The following GLS2 variants were observed in gnomAD, a reference collection of about 807,000 sequenced individuals.
The protein encoded by GLS2 is glutaminase 2.
GLS2 carries 52 observed loss-of-function variants against 79.0 expected under a neutral mutation model. The observed-to-expected ratio is 0.66, with a 90% confidence interval of 0.53 to 0.83. GLS2 has a LOEUF of 0.83. GLS2 is among the 40% of genes least tolerant of loss of function. GLS2 has a pLI of 0.00. For missense variants in GLS2, 561 were observed against 764.8 expected, an observed-to-expected ratio of 0.73 and a Z score of 3.14; for synonymous variants, 238 against 280.8, an observed-to-expected ratio of 0.85 and a Z score of 1.52.
At chr12:56,474,519 A>G in intron 12 of GLS2, 25 bp downstream of exon 12, 1 of 1,612,780 alleles carries the variant, frequency 6.2e-7, no homozygotes, top group South Asian at 1.1e-5. Context: ...CTCATGACAG[A>G]TGGATAGCAG....
In GLS2 at chr12:56,471,230, G is replaced by A. The variant is rs1869232502; in HGVS notation, c.*257C>T. 3 of 449,972 alleles carry A rather than the reference G, an allele frequency of 6.7e-6. No homozygotes were observed. Among genetic ancestry groups the A allele is most frequent in the Non-Finnish European group, 1.2e-5 (3 of 257,492 alleles). The allele number at this position is 449,972 out of a possible 1,614,324, so 27.9% of individuals were successfully genotyped here. On this transcript the variant is annotated 3_prime_UTR_variant, in exon 18 of 18. Transcript: ENST00000311966. ...GCTGGGATGGTTTTGAGTGGGGCAAGCCATTAGGCTGTACCTTGAAGCCCA... is the reference window on the plus strand; with the variant it reads ...GCTGGGATGGTTTTGAGTGGGGCAAACCATTAGGCTGTACCTTGAAGCCCA...
chr12:56,476,071 G>T (rs1869782960), intron 7 of GLS2, 94 bp from the exon 8 acceptor site: 2 of 1,225,700 alleles, frequency 1.6e-6, no homozygotes, highest in Non-Finnish European at 2.4e-6. Context: ...GTGTTAGTCT[G>T]GTCCTGCTGC....
intron 4 of GLS2, chr12:56,478,538 C>T (rs74091906): frequency 1.1e-5 from 5 of 441,660 alleles, no homozygotes; most frequent in African/African-American, 2.0e-5. Context: ...GGTTCTTAGG[C>T]TCAGTTACCC....
At chr12:56,483,564 G>A (rs894082101) in intron 1 of GLS2, among the ~76,000 whole-genome samples, 17 of 152,134 alleles carry the variant, frequency 1.1e-4, no homozygotes, top group African/African-American at 3.9e-4. Flanking sequence ...GAAGCGTGCT[G>A]TAGAACAGTA....
chr12:56,471,426 TGG>T lies in GLS2; in HGVS notation c.*59_*60del. 11 of 1,524,626 alleles carry T rather than the reference TGG, an allele frequency of 7.2e-6. No homozygotes were observed. The highest frequency in any genetic ancestry group is 4.0e-5 in the Admixed American group (2 of 50,184). The allele number at this position is 1,524,626 out of a possible 1,614,324, so 94.4% of individuals were successfully genotyped here. A position where few individuals can be genotyped will look rare whatever the true frequency, so the allele number is the denominator to read the frequency against. The stretch of plus-strand genomic sequence containing the variant: ...CTCTCCATAGTATTTTTGGTGGTTA[TGG>T]ATTACATGTGTGGCCAGCTCATGCT... On this transcript the variant is annotated 3_prime_UTR_variant, in exon 18 of 18. Transcript: ENST00000311966.
chr12:56,478,428 C>G, intron 4 of GLS2, 166 bp from the exon 5 acceptor site: 1 of 648,956 alleles, frequency 1.5e-6, no homozygotes, highest in South Asian at 1.9e-5. Context: ...AGCCTTAAGT[C>G]CTAGAAGGCC....
Position 56,473,261 on chromosome 12 carries a change from C to G in GLS2, c.1416G>C (p.Lys472Asn), listed in dbSNP as rs1869476933. The G allele has an allele frequency of 6.2e-7, 1 of 1,614,140 alleles. No homozygotes were observed. Among genetic ancestry groups the G allele is most frequent in the Non-Finnish European group, 8.5e-7 (1 of 1,180,034 alleles). ...CTGCCCCTTCACGCCGTGGGTCTAACTTCCGAGCACAGTGCCTCAGGTTGT... is the reference window on the plus strand; with the variant it reads ...CTGCCCCTTCACGCCGTGGGTCTAAGTTCCGAGCACAGTGCCTCAGGTTGT... Reference protein sequence around the residue: ...NYDNLRHCARKLDPRREGAEI... With the variant: ...NYDNLRHCARNLDPRREGAEI... Residue 472 changes from lysine to asparagine, a missense_variant, in exon 14 of 18, where the codon AAG becomes AAC. Physicochemically the swap from Lys to Asn is moderately conservative, Grantham distance 94. Transcript: ENST00000311966.
At chr12:56,482,676 C>A (rs1870388071) in intron 1 of GLS2, among the ~76,000 whole-genome samples, 1 of 152,208 alleles carries the variant, frequency 6.6e-6, no homozygotes, top group African/African-American at 2.4e-5. Flanking sequence ...CAAAGTATCT[C>A]TCTGGCTTAT....
rs767986887 is a variant in GLS2, at chr12:56,479,182, C to A, written c.405-1G>T. 6.2e-7 allele frequency: 1 copy of A among 1,613,334 alleles called. No homozygotes were observed. The highest frequency in any genetic ancestry group is 1.7e-5 in the Admixed American group (1 of 59,970). ...GAGCACAATGTTGCTGCTCACACAC[C>A]TGGATCCCAGACACGATTGGATTAG... On this transcript the variant is annotated splice_acceptor_variant, in intron 3 of 17. Transcript: ENST00000311966. LOFTEE classifies it high-confidence loss of function.
At chr12:56,480,538 A>C in intron 1 of GLS2, 151 bp from the exon 2 acceptor site, 1 of 648,636 alleles carries the variant, frequency 1.5e-6, no homozygotes, top group South Asian at 1.8e-5. Flanking sequence ...TCTAACTTTC[A>C]TGTCTGTCCT....
chr12:56,478,470 T>C, intron 4 of GLS2: 1 of 568,602 alleles, frequency 1.8e-6, no homozygotes, highest in Non-Finnish European at 3.1e-6. Flanking sequence ...CCTGTAGAGA[T>C]AGCAGTAAAG....
rs762174110 is a variant in GLS2, at chr12:56,477,739, AAG to A, written c.779-23_779-22del. 7 of 1,607,216 alleles carry A rather than the reference AAG, an allele frequency of 4.4e-6. No homozygotes were observed. In the African/African-American group the frequency reaches 6.7e-5, roughly 15 times the overall value. On this transcript the variant is annotated intron_variant, in intron 6 of 17. Coordinates refer to ENST00000311966, the MANE Select transcript of GLS2 (RefSeq NM_013267.4). ...GATTCCTGGGGAAATACAAACCACC[AAG>A]AGTCTTAGCCACTGAACAAAGCCTC...
At chr12:56,487,832 G>A (rs1376874115) in intron 1 of GLS2, 105 bp downstream of exon 1, 1 of 1,277,320 alleles carries the variant, frequency 7.8e-7, no homozygotes, top group Non-Finnish European at 1.1e-6. Context: ...TGAGCGAGGA[G>A]AGGGGAGATG....
rs1191485742 is a variant in GLS2, at chr12:56,475,623, C to T, written c.929+1G>A. The T allele has an allele frequency of 7.4e-6, 12 of 1,613,942 alleles. No individual in the cohort carries two copies. Among genetic ancestry groups the T allele is most frequent in the East Asian group, 4.5e-5 (2 of 44,890 alleles). On this transcript the variant is annotated splice_donor_variant, in intron 9 of 17. Coordinates refer to ENST00000311966, the MANE Select transcript of GLS2 (RefSeq NM_013267.4). LOFTEE classifies it high-confidence loss of function. ...AGTCAGTCCTCTGAGTAGGGACTTA[C>T]GTGGCATTGCTGAAACCCATGTATT...
chr12:56,475,880 G>A, intron 8 of GLS2, 65 bp downstream of exon 8: 2 of 1,565,618 alleles, frequency 1.3e-6, no homozygotes, highest in Middle Eastern at 3.4e-4. Context: ...AGCCACTGGG[G>A]CAGCTGGAGA....
chr12:56,472,425 G>T (rs1645740052), intron 15 of GLS2: 1 of 605,102 alleles, frequency 1.7e-6, no homozygotes. Context: ...CCTACCTGTG[G>T]TAAGTGCCCA....
At chr12:56,475,910 A>C in intron 8 of GLS2, 35 bp downstream of exon 8, 2 of 1,612,684 alleles carry the variant, frequency 1.2e-6, no homozygotes, top group Non-Finnish European at 1.7e-6. Context: ...GCCATGGCGA[A>C]ATGCAGCCAG....
chr12:56,483,086 T>G (rs185823105), intron 1 of GLS2, among the ~76,000 whole-genome samples: 1 of 149,938 alleles, frequency 6.7e-6, no homozygotes, highest in Non-Finnish European at 1.5e-5. Flanking sequence ...TTTCTTTCTT[T>G]TTTTTTTTTT....
At chr12:56,472,490 G>A (rs1869373766) in intron 15 of GLS2, 200 bp downstream of exon 15, 1 of 614,722 alleles carries the variant, frequency 1.6e-6, no homozygotes. Context: ...CAATAACAAT[G>A]GCTAACATTA....
Sources: allele counts gnomAD v4.1 joint callset (sites outside exome capture counted in the v4.1 genomes callset), GRCh38; gene constraint gnomAD v4.1.1; transcripts MANE v1.5; gene names NCBI Gene and HGNC (gene_info 2026-07-23, HGNC 2026-07-21).